TRIQK: variants seen among roughly 807,000 people sequenced by gnomAD.
TRIQK encodes the protein triple QxxK/R motif-containing protein.
In TRIQK, 10 loss-of-function variants were observed where a neutral mutation model predicts 10.8. That is an observed-to-expected ratio of 0.92 (90% CI 0.57 to 1.57). TRIQK has a LOEUF of 1.57. TRIQK is among the 40% of genes most tolerant of loss of function. TRIQK has a pLI of 0.00. For synonymous variants in TRIQK, 33 were observed against 33.7 expected, an observed-to-expected ratio of 0.98 and a Z score of 0.07; for missense variants, 107 against 97.7, an observed-to-expected ratio of 1.09 and a Z score of -0.40.
chr8:92,933,024 G>T (rs1281469179), intron 2 of TRIQK, among the ~76,000 whole-genome samples: 2 of 151,978 alleles, frequency 1.3e-5, no homozygotes, highest in African/African-American at 4.8e-5. Context: ...AGTAGAGAAT[G>T]TTTTTTAGAA....
intron 3 of TRIQK, among the ~76,000 whole-genome samples, chr8:92,908,839 T>C (rs1236312564): frequency 1.3e-5 from 2 of 152,028 alleles, no homozygotes; most frequent in African/African-American, 2.4e-5. Context: ...CCAAAAATAC[T>C]GGCAAATAAT....
At chr8:92,985,250 G>C (rs1263354178) in intron 1 of TRIQK, among the ~76,000 whole-genome samples, 1 of 152,070 alleles carries the variant, frequency 6.6e-6, no homozygotes, top group Admixed American at 6.5e-5. Flanking sequence ...GCACGCGCAC[G>C]CATGCACATG....
intron 1 of TRIQK, among the ~76,000 whole-genome samples, chr8:92,989,920 A>C (rs1813080644): frequency 1.3e-5 from 2 of 152,206 alleles, no homozygotes; most frequent in Non-Finnish European, 2.9e-5. Flanking sequence ...TTAAAAAAAA[A>C]TCAGAGAATT....
At chr8:92,990,698 C>T (rs1314995431) in intron 1 of TRIQK, among the ~76,000 whole-genome samples, 1 of 152,094 alleles carries the variant, frequency 6.6e-6, no homozygotes. Context: ...GGGACTGTGC[C>T]ATGAAGGATG....
chr8:92,961,815 G>C lies in TRIQK; in HGVS notation c.-181+4192C>G, dbSNP rs913184059. Among the ~76,000 whole-genome samples, 21 of 152,146 alleles carry C rather than the reference G, an allele frequency of 1.4e-4. No homozygotes were observed. The East Asian group carries it at 3.1e-3, about 22-fold the overall frequency. The stretch of plus-strand genomic sequence containing the variant: ...ATTGGTCTGTTATTTTTGCAACTAC[G>C]TCACTAAATAATACTACTACAGAAG... On this transcript the variant is annotated intron_variant, in intron 1 of 4. Transcript: ENST00000521988.
intron 3 of TRIQK, among the ~76,000 whole-genome samples, chr8:92,895,193 C>G (rs1808529476): frequency 6.6e-6 from 1 of 152,192 alleles, no homozygotes; most frequent in Non-Finnish European, 1.5e-5. Context: ...TGGGATAATG[C>G]ATTCACAAGG....
At chr8:92,910,408 A>C (rs1809509059) in intron 3 of TRIQK, among the ~76,000 whole-genome samples, 1 of 151,322 alleles carries the variant, frequency 6.6e-6, no homozygotes, top group Non-Finnish European at 1.5e-5. Flanking sequence ...AGAATGAAAA[A>C]GGAAACATAG....
At chr8:92,917,109 G>A in intron 2 of TRIQK, 99 bp from the exon 3 acceptor site, 1 of 532,978 alleles carries the variant, frequency 1.9e-6, no homozygotes, top group East Asian at 3.6e-5. Context: ...AAAGCAATGG[G>A]TACAAATACT....
chr8:92,911,226 A>G (rs1267988223), intron 3 of TRIQK, among the ~76,000 whole-genome samples: 1 of 151,382 alleles, frequency 6.6e-6, no homozygotes, highest in Non-Finnish European at 1.5e-5. Flanking sequence ...ATAACCACAA[A>G]GAAAAAAAAC....
Position 92,885,600 on chromosome 8 carries a change from T to C in TRIQK, c.*1022A>G, listed in dbSNP as rs529036186. The C allele has an allele frequency of 6.6e-6, 1 of 151,790 alleles. No individual in the cohort carries two copies. Among genetic ancestry groups the C allele is most frequent in the African/African-American group, 2.4e-5 (1 of 41,370 alleles). The allele number at this position is 151,790 out of a possible 1,614,324, so 9.4% of individuals were successfully genotyped here. A position where few individuals can be genotyped will look rare whatever the true frequency, so the allele number is the denominator to read the frequency against. On this transcript the variant is annotated 3_prime_UTR_variant, in exon 5 of 5. Transcript: ENST00000521988. ...TATGCTCCCACAAATACAAAATACA[T>C]TGAAAAATTATATCAACAGATAATT...
upstream of TRIQK, among the ~76,000 whole-genome samples, chr8:92,967,019 T>C (rs998067238): frequency 8.9e-6 from 1 of 112,424 alleles, no homozygotes; most frequent in Non-Finnish European, 1.8e-5. Context: ...CAAGTATAAA[T>C]AGACTAACCA....
intron 2 of TRIQK, chr8:92,922,371 T>G (rs914066918): frequency 1.3e-5 from 2 of 151,824 alleles, no homozygotes; most frequent in Non-Finnish European, 3.0e-5. Flanking sequence ...CCACTCCATT[T>G]TAGGAGAGAA....
chr8:92,918,114 CATTCAT>C (rs1357325217), intron 2 of TRIQK, among the ~76,000 whole-genome samples: 1 of 152,048 alleles, frequency 6.6e-6, no homozygotes. Context: ...TTTTGCTATC[CATTCAT>C]CTACTGATGG....
chr8:92,934,204 TA>T (rs1810870154), intron 2 of TRIQK, among the ~76,000 whole-genome samples: 1 of 151,926 alleles, frequency 6.6e-6, no homozygotes, highest in South Asian at 2.1e-4. Context: ...CAAGAAGGCA[TA>T]AAACCTTAGC....
At position 92,886,653 on chromosome 8, in the gene TRIQK, A is replaced by G. The variant is rs1400170958; in HGVS notation, c.230T>C (p.Val77Ala). ...AFFYLRLTTD[V>A]DPDLDQDED ...TTCATCTTGGTCCAGATCAGGGTCA[A>G]CATCCGTGGTGAGTCTGAGATAAAA... Residue 77 changes from valine (V) to alanine (A), a missense_variant, in exon 5 of 5, where the codon GTT becomes GCT. Coordinates refer to ENST00000521988, the MANE Select transcript of TRIQK (RefSeq NM_001171797.2). 2.6e-6 allele frequency: 4 copies of G among 1,530,464 alleles called. No homozygotes were observed. In the South Asian group the frequency reaches 4.8e-5, roughly 18 times the overall value. The allele number at this position is 1,530,464 out of a possible 1,614,324, so 94.8% of individuals were successfully genotyped here.
At chr8:92,953,797 T>G (rs756724191) in intron 2 of TRIQK, 1 of 151,818 alleles carries the variant, frequency 6.6e-6, no homozygotes, top group Admixed American at 6.6e-5. Context: ...TTGAGTAAAA[T>G]GGAGAGCTAT....
At chr8:92,898,220 G>A (rs1316729684) in intron 3 of TRIQK, among the ~76,000 whole-genome samples, 1 of 152,148 alleles carries the variant, frequency 6.6e-6, no homozygotes, top group East Asian at 1.9e-4. Context: ...CAAGTTTTGA[G>A]AAAGGGGCTT....
intron 3 of TRIQK, among the ~76,000 whole-genome samples, chr8:92,912,971 A>T (rs114168244): frequency 6.6e-6 from 1 of 152,136 alleles, no homozygotes; most frequent in South Asian, 2.1e-4. Context: ...GCTAGCCAGC[A>T]TTACCTTGAT....
intron 3 of TRIQK, among the ~76,000 whole-genome samples, chr8:92,896,578 AC>A: frequency 6.6e-6 from 1 of 152,148 alleles, no homozygotes; most frequent in African/African-American, 2.4e-5. Flanking sequence ...TTTGAACCCA[AC>A]AAAGCCATAT....
Sources: allele counts gnomAD v4.1 joint callset (sites outside exome capture counted in the v4.1 genomes callset), GRCh38; gene constraint gnomAD v4.1.1; transcripts MANE v1.5; gene names NCBI Gene and HGNC (gene_info 2026-07-23, HGNC 2026-07-21).